Variants in STAG1 observed in about 807,000 individuals in gnomAD.
STAG1 encodes STAG1 cohesin complex component.
STAG1 carries 26 observed loss-of-function variants against 170.9 expected under a neutral mutation model. The observed-to-expected ratio is 0.15, with a 90% CI of 0.11 to 0.21. STAG1 has a LOEUF of 0.21. STAG1 is among the 10% of genes least tolerant of loss of function. The pLI, the probability that STAG1 is intolerant of heterozygous loss-of-function variation, is 1.00. For synonymous variants in STAG1, 514 were observed against 497.7 expected (o/e 1.03, Z -0.44); for missense variants, 964 against 1,509.5 (o/e 0.64, Z 5.99).
chr3:136,475,162 T>C (rs1246447322), intron 10 of STAG1, among the ~76,000 whole-genome samples: 1 of 120,496 alleles, frequency 8.3e-6, no homozygotes, highest in Non-Finnish European at 1.8e-5. Context: ...TTTTTTTTTT[T>C]TGAGGCAGAG....
At chr3:136,706,245 A>T (rs113620402) in intron 1 of STAG1, among the ~76,000 whole-genome samples, 1 of 152,226 alleles carries the variant, frequency 6.6e-6, no homozygotes, top group African/African-American at 2.4e-5. Flanking sequence ...ACTGCTAGCC[A>T]GGCAAGAAAA....
intron 13 of STAG1, among the ~76,000 whole-genome samples, chr3:136,456,655 C>T (rs1175348628): frequency 6.6e-6 from 1 of 152,168 alleles, no homozygotes; most frequent in Non-Finnish European, 1.5e-5. Flanking sequence ...GAACAGAAAG[C>T]TCAGATGTCA....
intron 5 of STAG1, among the ~76,000 whole-genome samples, chr3:136,551,532 G>A (rs1030409123): frequency 2.1e-5 from 3 of 146,164 alleles, no homozygotes; most frequent in Admixed American, 7.1e-5. Context: ...CCCCCACCTC[G>A]GGCTCCCACA....
intron 13 of STAG1, among the ~76,000 whole-genome samples, chr3:136,459,055 T>C (rs573520043): frequency 1.4e-4 from 22 of 151,748 alleles, no homozygotes; most frequent in East Asian, 5.8e-4. Context: ...CTGTCTCTAC[T>C]AGAAACACAA....
intron 3 of STAG1, among the ~76,000 whole-genome samples, chr3:136,622,774 A>G (rs1403363985): frequency 6.6e-6 from 1 of 152,206 alleles, no homozygotes; most frequent in Admixed American, 6.5e-5. Context: ...CAGGTTATCA[A>G]TGAGAATATA....
At chr3:136,713,438 C>T (rs1258066397) in intron 1 of STAG1, among the ~76,000 whole-genome samples, 1 of 151,986 alleles carries the variant, frequency 6.6e-6, no homozygotes, top group African/African-American at 2.4e-5. Flanking sequence ...CAACAATTAG[C>T]CGGGCGTGGT....
chr3:136,664,777 GA>G (rs1005503730), intron 1 of STAG1, among the ~76,000 whole-genome samples: 8 of 152,178 alleles, frequency 5.3e-5, no homozygotes, highest in Non-Finnish European at 1.2e-4. Context: ...ACCTGTGGAT[GA>G]AATAAACCTG....
chr3:136,628,718 G>A (rs1940209321), intron 2 of STAG1, among the ~76,000 whole-genome samples: 1 of 152,140 alleles, frequency 6.6e-6, no homozygotes, highest in Non-Finnish European at 1.5e-5. Flanking sequence ...GTGATTATTT[G>A]ATTTATATCT....
At chr3:136,640,613 C>T (rs564640884) in intron 1 of STAG1, among the ~76,000 whole-genome samples, 95 of 151,136 alleles carry the variant, frequency 6.3e-4, no homozygotes, top group African/African-American at 2.3e-3. Flanking sequence ...AGGTGAACCG[C>T]CCGCCTCAGC....
chr3:136,370,864 G>T (rs1937295965), intron 23 of STAG1, among the ~76,000 whole-genome samples: 1 of 152,150 alleles, frequency 6.6e-6, no homozygotes, highest in Admixed American at 6.5e-5. Flanking sequence ...ATAATCCTTT[G>T]GGTATATACC....
intron 1 of STAG1, among the ~76,000 whole-genome samples, chr3:136,688,359 C>G (rs550614865): frequency 9.9e-5 from 15 of 152,244 alleles, no homozygotes; most frequent in Middle Eastern, 3.4e-3. Context: ...ACCAGGAGTG[C>G]ACTAAGCAAA....
At chr3:136,605,512 T>A (rs1938888879) in intron 3 of STAG1, among the ~76,000 whole-genome samples, 1 of 152,208 alleles carries the variant, frequency 6.6e-6, no homozygotes, top group African/African-American at 2.4e-5. Flanking sequence ...TGAAACTCTC[T>A]TAACAGACAA....
intron 9 of STAG1, among the ~76,000 whole-genome samples, chr3:136,498,508 G>A (rs1323452348): frequency 6.6e-6 from 1 of 151,596 alleles, no homozygotes; most frequent in Admixed American, 6.6e-5. Flanking sequence ...CAACAGGAAG[G>A]GAGGTAGAAA....
At chr3:136,362,371 T>C (rs1007832327) in intron 26 of STAG1, among the ~76,000 whole-genome samples, 1 of 152,078 alleles carries the variant, frequency 6.6e-6, no homozygotes, top group African/African-American at 2.4e-5. Flanking sequence ...TACTGATCTG[T>C]AGGATTTGTT....
At chr3:136,653,170 G>A (rs1027987938) in intron 1 of STAG1, among the ~76,000 whole-genome samples, 2 of 152,066 alleles carry the variant, frequency 1.3e-5, no homozygotes, top group Non-Finnish European at 1.5e-5. Flanking sequence ...TACTCGGGAG[G>A]CTGAGGCAGG....
chr3:136,616,283 A>G (rs904467291), intron 3 of STAG1, among the ~76,000 whole-genome samples: 1 of 148,120 alleles, frequency 6.8e-6, no homozygotes, highest in African/African-American at 2.5e-5. Flanking sequence ...AAAAAAAAAA[A>G]GTCATCAGAC....
intron 13 of STAG1, among the ~76,000 whole-genome samples, chr3:136,453,009 C>T (rs533292684): frequency 2.0e-5 from 3 of 152,152 alleles, no homozygotes; most frequent in East Asian, 3.9e-4. Flanking sequence ...AGGCTGGTCT[C>T]GAACTCCTGA....
intron 9 of STAG1, among the ~76,000 whole-genome samples, chr3:136,487,534 T>G (rs2090041713): frequency 1.3e-5 from 2 of 152,212 alleles, no homozygotes. Context: ...AATTTGACCA[T>G]GTGGGGCCAG....
At chr3:136,685,879 C>A (rs1171938686) in intron 1 of STAG1, among the ~76,000 whole-genome samples, 1 of 151,720 alleles carries the variant, frequency 6.6e-6, no homozygotes, top group Non-Finnish European at 1.5e-5. Flanking sequence ...CAACTTGGAA[C>A]AAACACAAAG....
Sources: allele counts gnomAD v4.1 joint callset (sites outside exome capture counted in the v4.1 genomes callset), GRCh38; gene constraint gnomAD v4.1.1; transcripts MANE v1.5; gene names NCBI Gene and HGNC (gene_info 2026-07-23, HGNC 2026-07-21).